The following HPCAL1 variants were observed in gnomAD, a reference collection of about 807,000 sequenced individuals.
HPCAL1 encodes the protein hippocalcin-like protein 1.
Under a neutral mutation model 17.1 loss-of-function variants are expected in HPCAL1, and 8 were observed. The observed-to-expected ratio is 0.47, with a 90% confidence interval of 0.27 to 0.84. HPCAL1 has a LOEUF of 0.84. Ranked by LOEUF, HPCAL1 falls within the 40% of genes least tolerant of loss-of-function variation. The pLI, the probability that HPCAL1 is intolerant of heterozygous loss-of-function variation, is 0.13. For synonymous variants in HPCAL1, 112 were observed against 111.4 expected, an observed-to-expected ratio of 1.01 and a Z score of -0.03; for missense variants, 165 against 271.1, an observed-to-expected ratio of 0.61 and a Z score of 2.75.
intron 1 of HPCAL1, among the ~76,000 whole-genome samples, chr2:10,333,507 GCCCAGCACCTTCTCTT>G (rs1664516359): frequency 6.6e-6 from 1 of 152,138 alleles, no homozygotes; most frequent in Non-Finnish European, 1.5e-5. Context: ...GCCTCCTGTG[GCCCAGCACCTTCTCTT>G]CCCACGTGGG....
chr2:10,400,770 C>A (rs908538568), intron 2 of HPCAL1, among the ~76,000 whole-genome samples: 11 of 125,240 alleles, frequency 8.8e-5, no homozygotes, highest in African/African-American at 3.6e-4. Flanking sequence ...CACATGCACA[C>A]ATACACACAC....
intron 1 of HPCAL1, among the ~76,000 whole-genome samples, chr2:10,396,122 T>C (rs932683850): frequency 6.6e-6 from 1 of 152,152 alleles, no homozygotes; most frequent in African/African-American, 2.4e-5. Flanking sequence ...ACACCCGCAA[T>C]GCAAATTTTC....
At chr2:10,393,383 G>T (rs1430672303) in intron 1 of HPCAL1, among the ~76,000 whole-genome samples, 2 of 152,226 alleles carry the variant, frequency 1.3e-5, no homozygotes, top group African/African-American at 4.8e-5. Flanking sequence ...CCCCCTTCCT[G>T]CTAGGAAGCC....
intron 1 of HPCAL1, among the ~76,000 whole-genome samples, chr2:10,312,044 A>T (rs1228150189): frequency 6.6e-6 from 1 of 150,482 alleles, no homozygotes; most frequent in Non-Finnish European, 1.5e-5. Context: ...CACTGTCATC[A>T]TCATCGTCAT....
intron 1 of HPCAL1, among the ~76,000 whole-genome samples, chr2:10,392,074 G>T (rs1034230992): frequency 1.3e-5 from 2 of 151,584 alleles, no homozygotes; most frequent in Non-Finnish European, 2.9e-5. Flanking sequence ...ACGTGGTCTC[G>T]ATCTATCCCT....
chr2:10,421,274 C>T (rs1242110514), intron 3 of HPCAL1, among the ~76,000 whole-genome samples: 1 of 152,208 alleles, frequency 6.6e-6, no homozygotes, highest in Non-Finnish European at 1.5e-5. Flanking sequence ...TGCCTATCAA[C>T]AGCTCTAGCA....
rs1236358150 is a variant in HPCAL1, at chr2:10,394,410, G to A, written c.-110-2425G>A. On this transcript the variant is annotated intron_variant, in intron 1 of 4. Coordinates refer to ENST00000307845, the MANE Select transcript of HPCAL1 (RefSeq NM_002149.4). This position sits in a 1 kb window ranked among gnomAD's most constrained non-coding sequence, Gnocchi z 5.0. ...GACCCTGTCCAGGTCTTGATTTCTC[G>A]GAGTGTCAAAGCAGTGCGCACGGAG... 3.3e-5 allele frequency among the ~76,000 whole-genome samples: 5 copies of A among 152,120 alleles called. No individual in the cohort carries two copies. Among genetic ancestry groups the A allele is most frequent in the South Asian group, 2.1e-4 (1 of 4,824 alleles).
chr2:10,391,895 C>T (rs556315825), intron 1 of HPCAL1, among the ~76,000 whole-genome samples: 70 of 151,946 alleles, frequency 4.6e-4, no homozygotes, highest in Non-Finnish European at 6.8e-4. Context: ...ATTACAGGCG[C>T]GTGCCACCAC....
Position 10,303,029 on chromosome 2 carries a change from A to T in HPCAL1, c.-259A>T, listed in dbSNP as rs987009837. 4 of 151,778 alleles carry T rather than the reference A, an allele frequency of 2.6e-5. No individual in the cohort carries two copies. The highest frequency in any genetic ancestry group is 7.3e-5 in the African/African-American group (3 of 41,372). 9.4% of individuals were successfully genotyped at this position (151,778 alleles called of 1,614,324 possible). A position where few individuals can be genotyped will look rare whatever the true frequency, so the allele number is the denominator to read the frequency against. ...GCGATGAGCGCAGGGCCGGCGCAGC[A>T]GCTGCGGGCGCACGGAGGCCCGCGC... is the stretch of plus-strand genomic sequence containing the variant. On this transcript the variant is annotated 5_prime_UTR_variant, in exon 1 of 5. Coordinates refer to ENST00000307845, the MANE Select transcript of HPCAL1 (RefSeq NM_002149.4).
At chr2:10,358,624 C>T (rs769587388) in intron 1 of HPCAL1, among the ~76,000 whole-genome samples, 25 of 152,140 alleles carry the variant, frequency 1.6e-4, no homozygotes, top group African/African-American at 4.3e-4. Flanking sequence ...AAGAGGACGT[C>T]GGGGGAACAT....
Position 10,426,878 on chromosome 2 carries a change from T to C in HPCAL1, c.*57T>C. On this transcript the variant is annotated 3_prime_UTR_variant, in exon 5 of 5. Coordinates refer to ENST00000307845, the MANE Select transcript of HPCAL1 (RefSeq NM_002149.4). ...ACAGGCTTGTCGTGCCGTTTAAGCT[T>C]TGCTTGCAAGAGTGGATGCCCCGCA... The C allele has an allele frequency of 1.1e-5, 17 of 1,495,172 alleles. No individual in the cohort carries two copies. The highest frequency in any genetic ancestry group is 1.6e-5 in the Non-Finnish European group (17 of 1,074,266). 92.6% of individuals were successfully genotyped at this position (1,495,172 alleles called of 1,614,324 possible).
At chr2:10,388,264 G>T (rs1668454622) in intron 1 of HPCAL1, among the ~76,000 whole-genome samples, 1 of 152,170 alleles carries the variant, frequency 6.6e-6, no homozygotes, top group African/African-American at 2.4e-5. Flanking sequence ...TTCTGATGTT[G>T]GCAAAGGTTT....
At chr2:10,337,386 A>C (rs1267136246) in intron 1 of HPCAL1, among the ~76,000 whole-genome samples, 2 of 152,120 alleles carry the variant, frequency 1.3e-5, no homozygotes, top group Non-Finnish European at 2.9e-5. Flanking sequence ...CTGTCACTGC[A>C]TTTGCTGTGA....
intron 1 of HPCAL1, among the ~76,000 whole-genome samples, chr2:10,364,043 GT>G (rs1300285961): frequency 6.6e-6 from 1 of 152,216 alleles, no homozygotes; most frequent in African/African-American, 2.4e-5. Context: ...TGGAGGAGGG[GT>G]GGACCTTGGG....
At chr2:10,387,448 G>A (rs1332448403) in intron 1 of HPCAL1, among the ~76,000 whole-genome samples, 1 of 152,220 alleles carries the variant, frequency 6.6e-6, no homozygotes, top group Admixed American at 6.5e-5. Context: ...CAGCGTTCCT[G>A]GTGCTCTGGG....
chr2:10,357,750 T>C (rs745360382), intron 1 of HPCAL1, among the ~76,000 whole-genome samples: 1 of 152,176 alleles, frequency 6.6e-6, no homozygotes, highest in African/African-American at 2.4e-5. Context: ...AAAGCGTGTT[T>C]TTCCTCCATG....
intron 1 of HPCAL1, among the ~76,000 whole-genome samples, chr2:10,353,069 A>G (rs1420198709): frequency 6.6e-6 from 1 of 152,224 alleles, no homozygotes; most frequent in Non-Finnish European, 1.5e-5. Flanking sequence ...ATGAATCCCC[A>G]GTGTCCTAAG....
rs1283791746 is a variant in HPCAL1, at chr2:10,342,763, G to C, written c.-111+39586G>C. On this transcript the variant is annotated intron_variant, in intron 1 of 4. Coordinates refer to ENST00000307845, the MANE Select transcript of HPCAL1 (RefSeq NM_002149.4). This position sits in a 1 kb window ranked among gnomAD's most constrained non-coding sequence, Gnocchi z 4.1. ...GCAAAGAGAGGCACAATCTGTTCCC[G>C]GTTGGGCCAGCTGCCCTCCAGTAGC... Among the ~76,000 whole-genome samples, 1 of 152,190 alleles carries C rather than the reference G, an allele frequency of 6.6e-6. No individual in the cohort carries two copies. Among genetic ancestry groups the C allele is most frequent in the African/African-American group, 2.4e-5 (1 of 41,440 alleles).
At position 10,419,457 on chromosome 2, in the gene HPCAL1, T is replaced by A. The variant is rs56190416; in HGVS notation, c.-24-277T>A. Among the ~76,000 whole-genome samples, 39,846 of 151,892 alleles carry A rather than the reference T, an allele frequency of 0.26. 5,456 individuals are homozygous for A. Among genetic ancestry groups the A allele is most frequent in the African/African-American group, 0.3 (12,452 of 41,406 alleles). ...CTGGTGGGCACCGGATGATGCCCTGTTCCACTGATTTTAAGTTGCATTTTC... is the reference window on the plus strand; with the variant it reads ...CTGGTGGGCACCGGATGATGCCCTGATCCACTGATTTTAAGTTGCATTTTC... On this transcript the variant is annotated intron_variant, in intron 2 of 4. Transcript: ENST00000307845. This position sits in a 1 kb window ranked among gnomAD's most constrained non-coding sequence, Gnocchi z 5.0.
Sources: allele counts gnomAD v4.1 joint callset (sites outside exome capture counted in the v4.1 genomes callset), GRCh38; gene constraint gnomAD v4.1.1; non-coding constraint Gnocchi (gnomAD v3.1); transcripts MANE v1.5; gene names NCBI Gene and HGNC (gene_info 2026-07-23, HGNC 2026-07-21).